The following SMPD4 variants were observed in gnomAD, a reference collection of about 807,000 sequenced individuals.
SMPD4 encodes sphingomyelin phosphodiesterase 4.
Under a neutral mutation model 97.8 loss-of-function variants are expected in SMPD4, and 58 were observed. The observed-to-expected ratio is 0.59, with a 90% CI of 0.48 to 0.74. The LOEUF (loss-of-function observed/expected upper bound fraction) is 0.74. Ranked by LOEUF, SMPD4 falls within the 30% of genes least tolerant of loss-of-function variation. The pLI is 0.00. For synonymous variants in SMPD4, 388 were observed against 450.0 expected (o/e 0.86, Z 1.74); for missense variants, 853 against 1,080.5 (o/e 0.79, Z 2.95).
intron 2 of SMPD4, among the ~76,000 whole-genome samples, chr2:130,175,776 C>A (rs1447200719): frequency 1.3e-5 from 2 of 152,214 alleles, no homozygotes; most frequent in African/African-American, 4.8e-5. Context: ...TATCTAAGGC[C>A]TTGTCTACCT....
At position 130,179,210 on chromosome 2, in the gene SMPD4, G is replaced by A. The variant is rs1338900946; in HGVS notation, c.-46+2320C>T. 1.9e-4 allele frequency among the ~76,000 whole-genome samples: 28 copies of A among 148,984 alleles called. 1 individual carries two copies. Among genetic ancestry groups the A allele is most frequent in the Non-Finnish European group, 1.0e-4 (7 of 67,684 alleles). ...GCTATCTTGGCTCACTGCAAGCTCC[G>A]CTTGGGTTCACGCCATTCTCCTGCC... On this transcript the variant is annotated intron_variant, in intron 1 of 19. Transcript: ENST00000680298.
At chr2:130,154,199 G>A (rs1431139209) in intron 16 of SMPD4, 78 bp downstream of exon 16, 3 of 1,466,014 alleles carry the variant, frequency 2.0e-6, no homozygotes, top group African/African-American at 2.8e-5. Context: ...CCTTCCTGCT[G>A]GATCACAGCA....
At chr2:130,175,653 C>T (rs910945378) in intron 2 of SMPD4, among the ~76,000 whole-genome samples, 3 of 152,164 alleles carry the variant, frequency 2.0e-5, no homozygotes, top group Admixed American at 1.3e-4. Context: ...TCTACCTAGT[C>T]GTGGGATGTG....
chr2:130,180,708 C>G (rs781463729), intron 1 of SMPD4, among the ~76,000 whole-genome samples: 1 of 152,244 alleles, frequency 6.6e-6, no homozygotes, highest in Non-Finnish European at 1.5e-5. Context: ...AAGTGCGGAG[C>G]TCTAGAGACG....
At chr2:130,176,669 C>A (rs766729309) in intron 1 of SMPD4, 32 bp from the exon 2 acceptor site, 1 of 1,515,308 alleles carries the variant, frequency 6.6e-7, no homozygotes, top group Non-Finnish European at 9.1e-7. Flanking sequence ...ATCTCAACAT[C>A]TGTAACACAG....
chr2:130,175,460 C>T (rs1014293831), intron 2 of SMPD4, among the ~76,000 whole-genome samples: 1 of 151,840 alleles, frequency 6.6e-6, no homozygotes, highest in Non-Finnish European at 1.5e-5. Context: ...CGCCCAACAA[C>T]ATCACGGCTA....
upstream of SMPD4, chr2:130,181,610 G>A: frequency 1.3e-6 from 2 of 1,595,846 alleles, no homozygotes; most frequent in East Asian, 2.3e-5. Context: ...ATCAAGCTGC[G>A]CGCAGAGCCA....
chr2:130,159,719 G>C (rs1382075488), intron 11 of SMPD4: 1 of 151,888 alleles, frequency 6.6e-6, no homozygotes, highest in African/African-American at 2.4e-5. Flanking sequence ...AAGGGCACCA[G>C]TGGGGTGGGA....
At position 130,156,149 on chromosome 2, in the gene SMPD4, G is replaced by T; in HGVS notation, c.1189-14C>A. On this transcript the variant is annotated splice_polypyrimidine_tract_variant and intron_variant, in intron 13 of 19. Coordinates refer to ENST00000680298, the MANE Select transcript of SMPD4 (RefSeq NM_017951.5). ...CATCTCCAGGACCTGTGGGGGAGGTGTGTGCTAAGGGCTCCGTGGCTGGGG... is the reference window on the plus strand; with the variant it reads ...CATCTCCAGGACCTGTGGGGGAGGTTTGTGCTAAGGGCTCCGTGGCTGGGG... The T allele has an allele frequency of 1.3e-6, 2 of 1,595,710 alleles. No homozygotes were observed. Among genetic ancestry groups the T allele is most frequent in the South Asian group, 2.2e-5 (2 of 90,614 alleles).
At chr2:130,164,549 T>C (rs1687741903) in intron 9 of SMPD4, 104 bp from the exon 10 acceptor site, 1 of 910,440 alleles carries the variant, frequency 1.1e-6, no homozygotes, top group African/African-American at 1.7e-5. Flanking sequence ...GAACACAGAA[T>C]ACCCATGTGC....
In SMPD4 at chr2:130,158,804, C is replaced by G. The variant is rs375292314; in HGVS notation, c.952-1408G>C. ...ACACTTGTCCCCTAGCCCTTTGGGC[C>G]GTAACACATCTGTGCTGCTGAGGCT... On this transcript the variant is annotated intron_variant, in intron 11 of 19. Transcript: ENST00000680298. Among the ~76,000 whole-genome samples, 9 of 152,172 alleles carry G rather than the reference C, an allele frequency of 5.9e-5. 1 individual carries two copies. Among genetic ancestry groups the G allele is most frequent in the African/African-American group, 2.2e-4 (9 of 41,524 alleles).
intron 10 of SMPD4, among the ~76,000 whole-genome samples, 157 bp downstream of exon 10, chr2:130,164,217 C>A (rs1687699201): frequency 6.6e-6 from 1 of 152,128 alleles, no homozygotes; most frequent in Non-Finnish European, 1.5e-5. Flanking sequence ...AACTAGAGAA[C>A]GATGCCCACT....
chr2:130,178,477 A>G (rs1436110811), intron 1 of SMPD4, among the ~76,000 whole-genome samples: 34 of 152,160 alleles, frequency 2.2e-4, no homozygotes, highest in Admixed American at 2.2e-3. Context: ...CTGCCAAGGG[A>G]GCCTTTGAAT....
Position 130,152,490 on chromosome 2 carries a change from T to C in SMPD4, c.*65A>G. The C allele has an allele frequency of 6.9e-7, 1 of 1,439,674 alleles. No homozygotes were observed. Among genetic ancestry groups the C allele is most frequent in the Non-Finnish European group, 9.3e-7 (1 of 1,077,496 alleles). The allele number at this position is 1,439,674 out of a possible 1,614,324, so 89.2% of individuals were successfully genotyped here. Reference sequence around the variant, plus strand: ...CCTCCTGGAGGGGCTTCCCAGGTCCTCTCAGCCCAAGGGTGGGGCTGTGTG... The same window carrying C: ...CCTCCTGGAGGGGCTTCCCAGGTCCCCTCAGCCCAAGGGTGGGGCTGTGTG... On this transcript the variant is annotated 3_prime_UTR_variant, in exon 20 of 20. Transcript: ENST00000680298.
chr2:130,157,548 G>T, intron 11 of SMPD4, 152 bp from the exon 12 acceptor site: 1 of 1,427,598 alleles, frequency 7.0e-7, no homozygotes, highest in Non-Finnish European at 9.4e-7. Context: ...ACCCCATGGG[G>T]CACCACTGTG....
intron 14 of SMPD4, among the ~76,000 whole-genome samples, chr2:130,155,794 C>G (rs1408513947): frequency 2.0e-5 from 3 of 152,054 alleles, no homozygotes; most frequent in Non-Finnish European, 4.4e-5. Context: ...GGAGAGGGGA[C>G]AGGGCAGGAT....
chr2:130,164,332 A>G (rs371358700), intron 10 of SMPD4, 42 bp downstream of exon 10: 14 of 1,536,832 alleles, frequency 9.1e-6, no homozygotes, highest in African/African-American at 5.5e-5. Context: ...CAGGCTGAGC[A>G]GGGTCAGAAG....
At chr2:130,163,900 A>G (rs1037743358) in intron 10 of SMPD4, among the ~76,000 whole-genome samples, 5 of 152,198 alleles carry the variant, frequency 3.3e-5, no homozygotes, top group African/African-American at 1.2e-4. Flanking sequence ...ACTCGCCACG[A>G]GAAGGGCTGC....
At position 130,153,757 on chromosome 2, in the gene SMPD4, C is replaced by T. The variant is rs568760461; in HGVS notation, c.1838G>A (p.Arg613Gln). Reference protein sequence around the residue: ...DLDEMGQDSVRKTDEYLEKAL... With the variant: ...DLDEMGQDSVQKTDEYLEKAL... ...CTTCTCCAGGTATTCATCTGTCTTC[C>T]GGACACTGTCTTGCCCCATCTCGTC... is the stretch of plus-strand genomic sequence containing the variant. Residue 613 changes from arginine (R) to glutamine (Q), a missense_variant, in exon 17 of 20, where the codon CGG becomes CAG. This residue lies in a region of SMPD4 where 511 missense variants were observed against 608.1 expected (regional missense o/e 0.84). Transcript: ENST00000680298. 49 of 1,613,992 alleles carry T rather than the reference C, an allele frequency of 3.0e-5. No individual in the cohort carries two copies. The highest frequency in any genetic ancestry group is 1.1e-4 in the East Asian group (5 of 44,882).
Sources: gnomAD v4.1 joint callset for allele counts (sites outside exome capture counted in the v4.1 genomes callset) on GRCh38, gnomAD v4.1.1 for gene constraint, gnomAD v4.1.1 regional missense constraint, MANE v1.5 for transcripts, NCBI Gene and HGNC (gene_info 2026-07-23, HGNC 2026-07-21) for gene names.